The following IMMP2L variants were observed in gnomAD, a reference collection of about 807,000 sequenced individuals.
IMMP2L encodes mitochondrial inner membrane protease subunit 2.
Under a neutral mutation model 19.3 loss-of-function variants are expected in IMMP2L, and 18 were observed. The ratio of observed to expected loss-of-function variants is 0.93; its 90% confidence interval spans 0.64 to 1.38. IMMP2L has a LOEUF of 1.38. Among genes scored for constraint, IMMP2L ranks in the 40% most tolerant of loss-of-function variants. The probability of loss-of-function intolerance (pLI) is 0.00; values close to 1 mark genes in which losing one functional copy is unlikely to be tolerated. For missense variants in IMMP2L, 233 were observed against 218.2 expected (o/e 1.07, Z -0.43); for synonymous variants, 76 against 73.0 (o/e 1.04, Z -0.21).
chr7:110,866,958 A>AAT (rs1808045535), intron 5 of IMMP2L, among the ~76,000 whole-genome samples: 1 of 152,084 alleles, frequency 6.6e-6, no homozygotes, highest in South Asian at 2.1e-4. Flanking sequence ...ACGTACAAAA[A>AAT]ATATATATAT....
intron 5 of IMMP2L, among the ~76,000 whole-genome samples, chr7:110,852,592 G>C (rs1310123946): frequency 6.6e-6 from 1 of 152,034 alleles, no homozygotes; most frequent in East Asian, 1.9e-4. Context: ...AGCAAATCTG[G>C]GGAGGAGGAC....
chr7:111,158,520 A>C (rs1804896458), intron 3 of IMMP2L, among the ~76,000 whole-genome samples: 1 of 152,102 alleles, frequency 6.6e-6, no homozygotes, highest in Non-Finnish European at 1.5e-5. Context: ...TAAACGAAAA[A>C]CTGTTATAAG....
rs370612291 is a variant in IMMP2L, at chr7:110,870,551, AGT to A, written c.408+16040_408+16041del. Among the ~76,000 whole-genome samples, 4 of 151,834 alleles carry A rather than the reference AGT, an allele frequency of 2.6e-5. No individual in the cohort carries two copies. The highest frequency in any genetic ancestry group is 6.6e-5 in the Admixed American group (1 of 15,228). ...TAGTAGCTAGAAGCAGGTGTGTGTG[AGT>A]GTGTGTGTGTGCACGCGCATGTGTG... On this transcript the variant is annotated intron_variant, in intron 5 of 5. Transcript: ENST00000405709. The surrounding 1 kb of genome is among the most constrained non-coding windows in gnomAD (Gnocchi z 4.2).
intron 3 of IMMP2L, among the ~76,000 whole-genome samples, chr7:111,218,393 T>C (rs137977126): frequency 1.8e-4 from 27 of 152,240 alleles, no homozygotes. Flanking sequence ...TGCTATTATG[T>C]TGTATCGCCT....
intron 5 of IMMP2L, among the ~76,000 whole-genome samples, chr7:110,791,244 A>C (rs971734269): frequency 2.6e-5 from 4 of 151,630 alleles, no homozygotes; most frequent in Admixed American, 6.6e-5. Context: ...TAAAATAATG[A>C]AACATTGTAA....
At chr7:110,764,196 G>A (rs1798521142) in intron 5 of IMMP2L, among the ~76,000 whole-genome samples, 1 of 152,082 alleles carries the variant, frequency 6.6e-6, no homozygotes, top group South Asian at 2.1e-4. Context: ...GCAAATGAAA[G>A]GGCTCTGACC....
intron 3 of IMMP2L, among the ~76,000 whole-genome samples, chr7:111,460,359 A>G (rs1369175172): frequency 6.6e-6 from 1 of 152,172 alleles, no homozygotes; most frequent in East Asian, 1.9e-4. Flanking sequence ...GCAAATTCCA[A>G]GAACTAAAAG....
chr7:111,462,419 G>C (rs1232924554), intron 3 of IMMP2L, among the ~76,000 whole-genome samples: 1 of 152,038 alleles, frequency 6.6e-6, no homozygotes, highest in Non-Finnish European at 1.5e-5. Flanking sequence ...GGAAATTAAT[G>C]AACCAATGAA....
intron 5 of IMMP2L, among the ~76,000 whole-genome samples, chr7:110,689,578 CT>C (rs1447516043): frequency 6.6e-6 from 1 of 152,050 alleles, no homozygotes; most frequent in African/African-American, 2.4e-5. Context: ...ATAGTTACCT[CT>C]TTTTACTGTA....
chr7:110,689,534 C>T (rs1326939220), intron 5 of IMMP2L, among the ~76,000 whole-genome samples: 2 of 152,036 alleles, frequency 1.3e-5, no homozygotes, highest in Non-Finnish European at 2.9e-5. Flanking sequence ...TTCTAAAAGT[C>T]AGCTTTTTTC....
intron 3 of IMMP2L, among the ~76,000 whole-genome samples, chr7:111,298,779 G>A (rs1034244952): frequency 1.3e-5 from 2 of 149,744 alleles, no homozygotes; most frequent in African/African-American, 2.4e-5. Context: ...AAAAGCAGCC[G>A]ATCTTTTTTT....
intron 5 of IMMP2L, among the ~76,000 whole-genome samples, chr7:110,737,953 G>A (rs929322772): frequency 1.3e-5 from 2 of 152,106 alleles, no homozygotes; most frequent in Non-Finnish European, 2.9e-5. Flanking sequence ...ACCCAGAAGA[G>A]CAGAAATAGT....
At chr7:111,377,921 C>G (rs1830834710) in intron 3 of IMMP2L, among the ~76,000 whole-genome samples, 1 of 151,640 alleles carries the variant, frequency 6.6e-6, no homozygotes, top group South Asian at 2.1e-4. Flanking sequence ...ATTTTAGCAT[C>G]CTTCCATTAA....
chr7:111,297,992 CAA>C (rs1821810129), intron 3 of IMMP2L, among the ~76,000 whole-genome samples: 1 of 151,912 alleles, frequency 6.6e-6, no homozygotes, highest in African/African-American at 2.4e-5. Flanking sequence ...ATGTTGGTTA[CAA>C]AAATGTATTC....
At chr7:111,303,699 G>A (rs1209004474) in intron 3 of IMMP2L, among the ~76,000 whole-genome samples, 1 of 152,040 alleles carries the variant, frequency 6.6e-6, no homozygotes, top group Non-Finnish European at 1.5e-5. Flanking sequence ...TGAATATTAA[G>A]CTTCCCAAAG....
chr7:111,000,590 T>C (rs1189776463), intron 3 of IMMP2L, among the ~76,000 whole-genome samples: 1 of 152,210 alleles, frequency 6.6e-6, no homozygotes, highest in African/African-American at 2.4e-5. Context: ...ACGCCTGTAA[T>C]CCCAGTGCTT....
intron 5 of IMMP2L, among the ~76,000 whole-genome samples, chr7:110,772,599 G>A (rs1172172714): frequency 2.0e-5 from 3 of 152,138 alleles, no homozygotes; most frequent in Non-Finnish European, 4.4e-5. Context: ...TGAAGGGAAT[G>A]ATGCTTCTCT....
intron 3 of IMMP2L, among the ~76,000 whole-genome samples, chr7:111,053,004 C>A (rs1020692627): frequency 1.3e-5 from 2 of 152,176 alleles, no homozygotes; most frequent in African/African-American, 4.8e-5. Flanking sequence ...GGCAGCGAAT[C>A]CATACAGGTC....
At chr7:111,057,082 T>G (rs1360359175) in intron 3 of IMMP2L, among the ~76,000 whole-genome samples, 1 of 152,228 alleles carries the variant, frequency 6.6e-6, no homozygotes. Flanking sequence ...GTTAATAAAA[T>G]TCTTTTTTGA....
Sources: gnomAD v4.1 joint callset for allele counts (sites outside exome capture counted in the v4.1 genomes callset) on GRCh38, gnomAD v4.1.1 for gene constraint, Gnocchi (gnomAD v3.1) non-coding constraint, MANE v1.5 for transcripts, NCBI Gene and HGNC (gene_info 2026-07-23, HGNC 2026-07-21) for gene names.